Variants in PLXNC1 observed in about 807,000 individuals in gnomAD.
The protein encoded by PLXNC1 is plexin C1, also known as plexin-C1.
In PLXNC1, 75 loss-of-function variants were observed where a neutral mutation model predicts 178.2. That is an observed-to-expected ratio of 0.42 (90% CI 0.35 to 0.51). The LOEUF is 0.51. PLXNC1 is among the 20% of genes least tolerant of loss of function. The pLI is 0.02. For missense variants in PLXNC1, 1,503 were observed against 1,984.4 expected (o/e 0.76, Z 4.61); for synonymous variants, 790 against 779.9 (o/e 1.01, Z -0.22).
At chr12:94,162,169 C>T (rs565361046) in intron 1 of PLXNC1, among the ~76,000 whole-genome samples, 8 of 152,010 alleles carry the variant, frequency 5.3e-5, no homozygotes, top group Middle Eastern at 3.4e-3. Flanking sequence ...GAGGTAGGAA[C>T]GGGAAGAGCT....
intron 4 of PLXNC1, chr12:94,186,734 A>G: frequency 2.6e-6 from 1 of 380,122 alleles, no homozygotes; most frequent in East Asian, 4.6e-5. Flanking sequence ...AACGGGAGAG[A>G]GCAGGCAGGT....
At chr12:94,177,266 A>T (rs1008517415) in intron 2 of PLXNC1, among the ~76,000 whole-genome samples, 1 of 139,844 alleles carries the variant, frequency 7.2e-6, no homozygotes, top group Non-Finnish European at 1.5e-5. Flanking sequence ...TATATATATG[A>T]GGGGCTGCAG....
At position 94,305,210 on chromosome 12, in the gene PLXNC1, G is replaced by T. The variant is rs754984741; in HGVS notation, c.4632G>T (p.Gly1544=). ...EILNKLERER[G]LEEAQKQLLH... is the part of the protein sequence containing the mutation. ...TAAATAAACTAGAAAGAGAACGAGGGCTGGAAGAAGCTCAGAAACAACTCT... is the reference window on the plus strand; with the variant it reads ...TAAATAAACTAGAAAGAGAACGAGGTCTGGAAGAAGCTCAGAAACAACTCT... The change falls in exon 31 of 31, where the codon GGG becomes GGT. Residue 1544 remains glycine, a synonymous_variant. Transcript: ENST00000258526. The T allele has an allele frequency of 6.2e-7, 1 of 1,609,986 alleles. No individual in the cohort carries two copies. Among genetic ancestry groups the T allele is most frequent in the Non-Finnish European group, 8.5e-7 (1 of 1,177,086 alleles).
Position 94,265,204 on chromosome 12 carries a change from G to A in PLXNC1, c.3576G>A (p.Gln1192=). Residue 1192 remains glutamine, a synonymous_variant, in exon 21 of 31, where the codon CAG becomes CAA. Transcript: ENST00000258526. The stretch of plus-strand genomic sequence containing the variant: ...TTAATGAAGACTGGCTGTTGTGGCA[G>A]GTTCCGGAATTCAGTACTGTGGTAT... The part of the protein sequence containing the change: ...YTLNEDWLLW[Q]VPEFSTVALN... 1 of 1,612,022 alleles carries A rather than the reference G, an allele frequency of 6.2e-7. No homozygotes were observed. The highest frequency in any genetic ancestry group is 8.5e-7 in the Non-Finnish European group (1 of 1,178,368).
At chr12:94,196,546 T>G (rs1962923492) in intron 4 of PLXNC1, among the ~76,000 whole-genome samples, 1 of 152,166 alleles carries the variant, frequency 6.6e-6, no homozygotes. Context: ...TAAACCCCTT[T>G]TCTTTATAAA....
chr12:94,257,682 G>T (rs1325135303), intron 17 of PLXNC1, among the ~76,000 whole-genome samples: 1 of 151,278 alleles, frequency 6.6e-6, no homozygotes, highest in African/African-American at 2.4e-5. Context: ...CTGAGGCAGA[G>T]AATTGCTTGA....
intron 22 of PLXNC1, among the ~76,000 whole-genome samples, chr12:94,281,627 C>A (rs1336276856): frequency 6.6e-6 from 1 of 152,114 alleles, no homozygotes; most frequent in South Asian, 2.1e-4. Context: ...CACTATGTTG[C>A]CCAGGCTGGT....
intron 2 of PLXNC1, chr12:94,176,470 T>C (rs1377880090): frequency 6.6e-6 from 1 of 152,162 alleles, no homozygotes; most frequent in Non-Finnish European, 1.5e-5. Context: ...TTGGGACCTT[T>C]GTGGTGAAAA....
At chr12:94,205,553 G>A (rs1397100599) in intron 4 of PLXNC1, among the ~76,000 whole-genome samples, 1 of 152,134 alleles carries the variant, frequency 6.6e-6, no homozygotes, top group Non-Finnish European at 1.5e-5. Flanking sequence ...GAAACAGATG[G>A]TTTGCAAGAA....
At chr12:94,277,003 C>A (rs569621356) in intron 21 of PLXNC1, 3 of 152,130 alleles carry the variant, frequency 2.0e-5, no homozygotes, top group Non-Finnish European at 4.4e-5. Flanking sequence ...TTTACTCTTG[C>A]GTAATTATCA....
Position 94,265,242 on chromosome 12 carries a change from G to C in PLXNC1, c.3597+17G>C. 6.3e-7 allele frequency: 1 copy of C among 1,579,270 alleles called. No individual in the cohort carries two copies. The highest frequency in any genetic ancestry group is 8.7e-7 in the Non-Finnish European group (1 of 1,154,418). ...AGTACTGTGGTATGTTTTCAATAAA[G>C]CTCCCAGCCAGACTCCCAAATAAAT... is the stretch of plus-strand genomic sequence containing the variant. On this transcript the variant is annotated intron_variant, in intron 21 of 30. Coordinates refer to ENST00000258526, the MANE Select transcript of PLXNC1 (RefSeq NM_005761.3).
At chr12:94,304,128 GAA>G (rs762262152) in intron 30 of PLXNC1, 77 bp downstream of exon 30, 2 of 943,912 alleles carry the variant, frequency 2.1e-6, no homozygotes, top group Non-Finnish European at 3.2e-6. Context: ...GTCAGTTTCA[GAA>G]CAGCTCTGGC....
chr12:94,242,392 T>G (rs189327192), intron 11 of PLXNC1, among the ~76,000 whole-genome samples: 1 of 137,596 alleles, frequency 7.3e-6, no homozygotes, highest in African/African-American at 2.8e-5. Flanking sequence ...CACTGCAACC[T>G]CCGCCTCCCA....
intron 15 of PLXNC1, among the ~76,000 whole-genome samples, chr12:94,253,237 AAG>A (rs1964749081): frequency 6.7e-6 from 1 of 150,052 alleles, no homozygotes; most frequent in East Asian, 1.9e-4. Flanking sequence ...AAAAAAAAAA[AAG>A]CACTTTGTAT....
chr12:94,276,934 T>A (rs1468936093), intron 21 of PLXNC1: 1 of 152,190 alleles, frequency 6.6e-6, no homozygotes, highest in Non-Finnish European at 1.5e-5. Flanking sequence ...CCGGCTTACC[T>A]CAGAGTTCAG....
At chr12:94,187,195 A>G (rs1448090452) in intron 4 of PLXNC1, among the ~76,000 whole-genome samples, 1 of 151,674 alleles carries the variant, frequency 6.6e-6, no homozygotes, top group African/African-American at 2.4e-5. Flanking sequence ...AGAGAGAGAA[A>G]AAAAAACCCA....
chr12:94,306,148 T>A lies in PLXNC1; in HGVS notation c.*863T>A, dbSNP rs959671112. 4 of 152,128 alleles carry A rather than the reference T, an allele frequency of 2.6e-5. No individual in the cohort carries two copies. The highest frequency in any genetic ancestry group is 9.7e-5 in the African/African-American group (4 of 41,428). The allele number at this position is 152,128 out of a possible 1,614,324, so 9.4% of individuals were successfully genotyped here. On this transcript the variant is annotated 3_prime_UTR_variant, in exon 31 of 31. Transcript: ENST00000258526. ...TCAGAACGATCTGTGGAAGAGTAAC[T>A]CCATTTCTATATGAGTGAGTGTCTC...
intron 20 of PLXNC1, among the ~76,000 whole-genome samples, chr12:94,261,481 A>C (rs1247436777): frequency 6.6e-6 from 1 of 152,248 alleles, no homozygotes; most frequent in Non-Finnish European, 1.5e-5. Context: ...GAATTGGAAG[A>C]AGATTTTAGG....
intron 21 of PLXNC1, among the ~76,000 whole-genome samples, chr12:94,278,959 T>C (rs832505): frequency 0.53 from 80,520 of 151,630 alleles, 21,682 homozygotes; most frequent in African/African-American, 0.63. Context: ...GATAGCACCA[T>C]TGAACTCCAG....
Sources: allele counts gnomAD v4.1 joint callset (sites outside exome capture counted in the v4.1 genomes callset), GRCh38; gene constraint gnomAD v4.1.1; transcripts MANE v1.5; gene names NCBI Gene and HGNC (gene_info 2026-07-23, HGNC 2026-07-21).